Variants in SIAH3 observed in about 807,000 individuals in gnomAD.
SIAH3 encodes the protein seven in absentia homolog 3.
Under a neutral mutation model 12.6 loss-of-function variants are expected in SIAH3, and 9 were observed. The observed-to-expected ratio is 0.72, with a 90% CI of 0.43 to 1.25. The LOEUF is 1.25. Among genes scored for constraint, SIAH3 ranks in the 50% most tolerant of loss-of-function variants. The probability of loss-of-function intolerance (pLI) is 0.00; values close to 1 mark genes in which losing one functional copy is unlikely to be tolerated. For synonymous variants in SIAH3, 154 were observed against 151.1 expected (o/e 1.02, Z -0.14); for missense variants, 390 against 365.4 (o/e 1.07, Z -0.55).
chr13:45,826,474 T>TGAGTGGGTGGGTGGGG lies in SIAH3; in HGVS notation c.135+25020_135+25021insCCCCACCCACCCACTC, dbSNP rs1404586077. Among the ~76,000 whole-genome samples the TGAGTGGGTGGGTGGGG allele has an allele frequency of 2.2e-5, 2 of 90,720 alleles. 1 individual carries two copies. The highest frequency in any genetic ancestry group is 4.2e-5 in the Non-Finnish European group (2 of 47,288). The allele number at this position is 90,720 out of a possible 152,430, so 59.5% of individuals were successfully genotyped here. On this transcript the variant is annotated intron_variant, in intron 1 of 1. Coordinates refer to ENST00000400405, the MANE Select transcript of SIAH3 (RefSeq NM_198849.3). ...ATGGATGGATGAATGGATGGATGGA[T>TGAGTGGGTGGGTGGGG]GGATGGATGGATGGATGGGTGGGTG...
intron 1 of SIAH3, among the ~76,000 whole-genome samples, chr13:45,790,605 C>T (rs1350828312): frequency 6.6e-6 from 1 of 152,174 alleles, no homozygotes; most frequent in African/African-American, 2.4e-5. Flanking sequence ...ACTAATTGTT[C>T]GTGTGTCCTT....
At chr13:45,840,539 G>A (rs979509903) in intron 1 of SIAH3, among the ~76,000 whole-genome samples, 1 of 152,206 alleles carries the variant, frequency 6.6e-6, no homozygotes, top group African/African-American at 2.4e-5. Flanking sequence ...TTTGGATGCA[G>A]TAGTAAATTT....
At chr13:45,803,329 C>CA (rs1427544482) in intron 1 of SIAH3, among the ~76,000 whole-genome samples, 1 of 152,102 alleles carries the variant, frequency 6.6e-6, no homozygotes. Flanking sequence ...ATCCTGGTGA[C>CA]AAAATGATAA....
chr13:45,817,269 C>T (rs1330098677), intron 1 of SIAH3, among the ~76,000 whole-genome samples: 2 of 152,176 alleles, frequency 1.3e-5, no homozygotes, highest in Admixed American at 1.3e-4. Flanking sequence ...TTACAATTGC[C>T]TACAATGTTC....
intron 1 of SIAH3, among the ~76,000 whole-genome samples, chr13:45,810,516 C>A (rs1239620014): frequency 2.0e-5 from 3 of 152,102 alleles, no homozygotes; most frequent in Non-Finnish European, 4.4e-5. Context: ...GAGAAAATCA[C>A]CCTCTGGAAA....
At position 45,782,129 on chromosome 13, in the gene SIAH3, A is replaced by G. The variant is rs1950506758; in HGVS notation, c.*1254T>C. ...TGCTGACTTTCTTCAAATACACGAG[A>G]GACTTCTACAAGAAGATGTTGATGA... On this transcript the variant is annotated 3_prime_UTR_variant, in exon 2 of 2. Transcript: ENST00000400405. 1 of 152,230 alleles carries G rather than the reference A, an allele frequency of 6.6e-6. No homozygotes were observed. Among genetic ancestry groups the G allele is most frequent in the Non-Finnish European group, 1.5e-5 (1 of 68,046 alleles). 9.4% of individuals were successfully genotyped at this position (152,230 alleles called of 1,614,324 possible).
intron 1 of SIAH3, among the ~76,000 whole-genome samples, chr13:45,823,367 G>A (rs1950663100): frequency 6.6e-6 from 1 of 152,160 alleles, no homozygotes; most frequent in Non-Finnish European, 1.5e-5. Flanking sequence ...AATTTTTAAA[G>A]CACGTGTACA....
At chr13:45,836,826 C>T (rs997160621) in intron 1 of SIAH3, among the ~76,000 whole-genome samples, 2 of 152,158 alleles carry the variant, frequency 1.3e-5, no homozygotes, top group Non-Finnish European at 2.9e-5. Context: ...GGGCCATGAC[C>T]CTGCTTCCTG....
intron 1 of SIAH3, among the ~76,000 whole-genome samples, chr13:45,801,096 G>GA (rs1555257353): frequency 9.3e-5 from 1 of 10,740 alleles, no homozygotes; most frequent in African/African-American, 1.9e-4. Context: ...GATGGGTGGC[G>GA]GGGGGGGGCA....
rs1272933520 is a variant in SIAH3, at chr13:45,838,829, C to T, written c.135+12666G>A. Among the ~76,000 whole-genome samples, 3 of 151,982 alleles carry T rather than the reference C, an allele frequency of 2.0e-5. No individual in the cohort carries two copies. In the East Asian group the frequency reaches 5.8e-4, roughly 29 times the overall value. Reference sequence around the variant, plus strand: ...CCGCTTTCTAGGGTCAATGTGGACACAGTCCCTCCTTTCTCTGGCTTTTGA... The same window carrying T: ...CCGCTTTCTAGGGTCAATGTGGACATAGTCCCTCCTTTCTCTGGCTTTTGA... On this transcript the variant is annotated intron_variant, in intron 1 of 1. Coordinates refer to ENST00000400405, the MANE Select transcript of SIAH3 (RefSeq NM_198849.3).
chr13:45,796,095 G>A (rs897727754), intron 1 of SIAH3, among the ~76,000 whole-genome samples: 1 of 152,202 alleles, frequency 6.6e-6, no homozygotes, highest in Non-Finnish European at 1.5e-5. Context: ...GGACCCGAGG[G>A]AGCCCCTGAG....
chr13:45,843,854 A>G (rs1256684606), intron 1 of SIAH3, among the ~76,000 whole-genome samples: 1 of 152,172 alleles, frequency 6.6e-6, no homozygotes, highest in Admixed American at 6.5e-5. Flanking sequence ...CATGCTAACA[A>G]TTGGTGCCGG....
chr13:45,845,535 A>G (rs1165386536), intron 1 of SIAH3, among the ~76,000 whole-genome samples: 1 of 152,162 alleles, frequency 6.6e-6, no homozygotes, highest in Non-Finnish European at 1.5e-5. Flanking sequence ...TTCTTTGTGA[A>G]TATAGTTTGT....
intron 1 of SIAH3, among the ~76,000 whole-genome samples, chr13:45,795,778 C>T (rs141663379): frequency 6.6e-5 from 10 of 152,204 alleles, no homozygotes; most frequent in African/African-American, 1.2e-4. Flanking sequence ...AACCTGCACA[C>T]GAATGTTTAC....
intron 1 of SIAH3, among the ~76,000 whole-genome samples, chr13:45,798,775 A>G (rs1234043240): frequency 2.0e-5 from 3 of 152,228 alleles, no homozygotes; most frequent in African/African-American, 2.4e-5. Context: ...TGATTCAGGA[A>G]TTGCTGTTTG....
At chr13:45,835,340 G>A (rs561387049) in intron 1 of SIAH3, among the ~76,000 whole-genome samples, 8 of 152,186 alleles carry the variant, frequency 5.3e-5, no homozygotes, top group South Asian at 2.1e-4. Flanking sequence ...AATGGAAGCC[G>A]GACACAGTAG....
intron 1 of SIAH3, among the ~76,000 whole-genome samples, chr13:45,817,126 G>T (rs1452252087): frequency 1.3e-5 from 2 of 152,190 alleles, no homozygotes; most frequent in Non-Finnish European, 2.9e-5. Flanking sequence ...AAACATACAC[G>T]CAGACACACA....
At chr13:45,838,509 G>C (rs1950727118) in intron 1 of SIAH3, among the ~76,000 whole-genome samples, 7 of 152,176 alleles carry the variant, frequency 4.6e-5, no homozygotes, top group Admixed American at 4.6e-4. Flanking sequence ...GGGTGGCAGA[G>C]AACAGTCAGG....
chr13:45,792,958 A>G (rs17067211), intron 1 of SIAH3, among the ~76,000 whole-genome samples: 20,695 of 152,218 alleles, frequency 0.14, 1,644 homozygotes, highest in African/African-American at 0.21. Context: ...AGACTTTCAT[A>G]TCCGTAATTG....
Sources: allele counts gnomAD v4.1 joint callset (sites outside exome capture counted in the v4.1 genomes callset), GRCh38; gene constraint gnomAD v4.1.1; transcripts MANE v1.5; gene names NCBI Gene and HGNC (gene_info 2026-07-23, HGNC 2026-07-21).